ELAPOR1: variants seen among roughly 807,000 people sequenced by gnomAD.
ELAPOR1 encodes endosome-lysosome associated apoptosis and autophagy regulator 1, also known as endosome/lysosome-associated apoptosis and autophagy regulator 1.
In ELAPOR1, 77 loss-of-function variants were observed where a neutral mutation model predicts 119.7. The ratio of observed to expected loss-of-function variants is 0.64; its 90% CI spans 0.54 to 0.78. The LOEUF is 0.78. Among genes scored for constraint, ELAPOR1 ranks in the 30% least tolerant of loss-of-function variants. The probability of loss-of-function intolerance (pLI) is 0.00; values close to 1 mark genes in which losing one functional copy is unlikely to be tolerated. For missense variants in ELAPOR1, 1,115 were observed against 1,270.4 expected, an observed-to-expected ratio of 0.88 and a Z score of 1.86; for synonymous variants, 481 against 487.2, an observed-to-expected ratio of 0.99 and a Z score of 0.17.
At chr1:109,166,309 T>C (rs1184113802) in intron 3 of ELAPOR1, among the ~76,000 whole-genome samples, 3 of 152,204 alleles carry the variant, frequency 2.0e-5, no homozygotes, top group African/African-American at 7.2e-5. Context: ...TGCCTCAGCC[T>C]CCCAAAGTGC....
intron 14 of ELAPOR1, among the ~76,000 whole-genome samples, chr1:109,193,857 G>A (rs544147086): frequency 6.6e-6 from 1 of 152,166 alleles, no homozygotes; most frequent in Non-Finnish European, 1.5e-5. Flanking sequence ...TGCTGCTGTG[G>A]GAGGGAATGA....
chr1:109,145,557 G>A (rs959929677), intron 1 of ELAPOR1, among the ~76,000 whole-genome samples: 6 of 152,162 alleles, frequency 3.9e-5, no homozygotes, highest in African/African-American at 1.4e-4. Flanking sequence ...TCGGGAGGCT[G>A]AGGCAGGAGA....
chr1:109,201,606 G>A (rs936455644), intron 21 of ELAPOR1, among the ~76,000 whole-genome samples: 1 of 152,208 alleles, frequency 6.6e-6, no homozygotes, highest in Non-Finnish European at 1.5e-5. Flanking sequence ...GAAAGAGGGA[G>A]GAGGGTATTG....
At chr1:109,170,873 G>A (rs1651879726) in intron 3 of ELAPOR1, among the ~76,000 whole-genome samples, 1 of 152,112 alleles carries the variant, frequency 6.6e-6, no homozygotes, top group Admixed American at 6.5e-5. Flanking sequence ...TGGATAGAGT[G>A]AACACGTATT....
At chr1:109,129,392 C>T (rs967394101) in intron 1 of ELAPOR1, among the ~76,000 whole-genome samples, 1 of 152,144 alleles carries the variant, frequency 6.6e-6, no homozygotes, top group Non-Finnish European at 1.5e-5. Context: ...CGCCTGTAAT[C>T]CTAGCTACCC....
chr1:109,167,920 A>T (rs1651693537), intron 3 of ELAPOR1, among the ~76,000 whole-genome samples: 1 of 152,084 alleles, frequency 6.6e-6, no homozygotes, highest in Non-Finnish European at 1.5e-5. Context: ...CATCTCCTTA[A>T]ATCCAGTCAC....
At chr1:109,192,910 C>G in intron 14 of ELAPOR1, 36 bp downstream of exon 14, 1 of 1,601,198 alleles carries the variant, frequency 6.2e-7, no homozygotes, top group African/African-American at 1.3e-5. Context: ...AAACCTGACC[C>G]TCTGCTTGGA....
At chr1:109,194,368 G>A in intron 14 of ELAPOR1, 53 bp from the exon 15 acceptor site, 1 of 1,530,624 alleles carries the variant, frequency 6.5e-7, no homozygotes, top group Non-Finnish European at 9.0e-7. Flanking sequence ...TTGGCTGCAG[G>A]CCCTCAAGGC....
chr1:109,161,761 C>G lies in ELAPOR1; in HGVS notation c.154-133C>G, dbSNP rs140740640. 3.8e-6 allele frequency: 4 copies of G among 1,046,468 alleles called. No homozygotes were observed. The African/African-American group carries it at 4.7e-5, about 12-fold the overall frequency. The allele number at this position is 1,046,468 out of a possible 1,614,324, so 64.8% of individuals were successfully genotyped here. Reference sequence around the variant, plus strand: ...TGTACTCGGTTCATAATCATCAGCTCCCTGCCCGGGGTCCCAGGGCCCATT... The same window carrying G: ...TGTACTCGGTTCATAATCATCAGCTGCCTGCCCGGGGTCCCAGGGCCCATT... On this transcript the variant is annotated intron_variant, in intron 1 of 21. Coordinates refer to ENST00000369939, the MANE Select transcript of ELAPOR1 (RefSeq NM_020775.5).
In ELAPOR1 at chr1:109,172,562, C is replaced by A; in HGVS notation, c.690C>A (p.Phe230Leu). ...WMKTTEKGWE[F>L]HSVELNRGNN... ...AGACCACAGAGAAAGGATGGGAATT[C>A]CACAGTGTGAGTATCACACCAGCCT... is the stretch of plus-strand genomic sequence containing the variant. The change falls in exon 5 of 22, where the codon TTC (phenylalanine) becomes TTA (leucine). Residue 230 changes from phenylalanine (F) to leucine (L), a missense_variant. Coordinates refer to ENST00000369939, the MANE Select transcript of ELAPOR1 (RefSeq NM_020775.5). 1 of 1,612,482 alleles carries A rather than the reference C, an allele frequency of 6.2e-7. No homozygotes were observed. Among genetic ancestry groups the A allele is most frequent in the East Asian group, 2.2e-5 (1 of 44,864 alleles).
At chr1:109,119,592 T>A (rs1196098686) in intron 1 of ELAPOR1, among the ~76,000 whole-genome samples, 2 of 152,124 alleles carry the variant, frequency 1.3e-5, no homozygotes, top group East Asian at 3.9e-4. Context: ...AGTTATAACA[T>A]TTGCTTTTCT....
At chr1:109,201,315 C>T in intron 21 of ELAPOR1, 1 of 457,242 alleles carries the variant, frequency 2.2e-6, no homozygotes, top group Non-Finnish European at 4.4e-6. Flanking sequence ...GTGCTGTCTT[C>T]CAGGTGTCTG....
intron 1 of ELAPOR1, among the ~76,000 whole-genome samples, chr1:109,126,942 T>C (rs1295937932): frequency 1.3e-5 from 2 of 152,182 alleles, no homozygotes; most frequent in Non-Finnish European, 2.9e-5. Flanking sequence ...TGCCAGCTTG[T>C]CCGGATCAGG....
chr1:109,202,840 G>A, intron 21 of ELAPOR1, 104 bp from the exon 22 acceptor site: 1 of 1,082,170 alleles, frequency 9.2e-7, no homozygotes, highest in Non-Finnish European at 1.4e-6. Context: ...ACTGAAACAG[G>A]AATTTCATAA....
At chr1:109,173,409 C>G (rs898919980) in intron 5 of ELAPOR1, 65 bp from the exon 6 acceptor site, 73 of 1,330,824 alleles carry the variant, frequency 5.5e-5, no homozygotes, top group Non-Finnish European at 6.8e-5. Flanking sequence ...CAACAAGAGG[C>G]TATACCAACA....
chr1:109,144,023 T>C (rs1272157642), intron 1 of ELAPOR1, among the ~76,000 whole-genome samples: 3 of 139,650 alleles, frequency 2.1e-5, no homozygotes, highest in African/African-American at 8.1e-5. Flanking sequence ...GGAAGGTGAA[T>C]TTTCTAAAAT....
intron 1 of ELAPOR1, among the ~76,000 whole-genome samples, chr1:109,139,467 TTC>T (rs1188516125): frequency 2.0e-5 from 3 of 152,220 alleles, no homozygotes; most frequent in African/African-American, 7.2e-5. Context: ...GACCACACGC[TTC>T]TCTCTCTGGG....
chr1:109,149,971 G>A (rs1404832618), intron 1 of ELAPOR1, among the ~76,000 whole-genome samples: 1 of 152,214 alleles, frequency 6.6e-6, no homozygotes, highest in Non-Finnish European at 1.5e-5. Flanking sequence ...CCCGAGCCTG[G>A]CACATGGATG....
intron 3 of ELAPOR1, among the ~76,000 whole-genome samples, chr1:109,170,001 C>T (rs1398906872): frequency 6.6e-6 from 1 of 152,116 alleles, no homozygotes; most frequent in Non-Finnish European, 1.5e-5. Context: ...GTAGTAAAGA[C>T]GAAGCCAAAA....
Sources: allele counts gnomAD v4.1 joint callset (sites outside exome capture counted in the v4.1 genomes callset), GRCh38; gene constraint gnomAD v4.1.1; transcripts MANE v1.5; gene names NCBI Gene and HGNC (gene_info 2026-07-23, HGNC 2026-07-21).